Variants in SNRPG observed in about 807,000 individuals in gnomAD.
SNRPG encodes the protein small nuclear ribonucleoprotein polypeptide G.
In SNRPG, 3 loss-of-function variants were observed where a neutral mutation model predicts 13.9. The observed-to-expected ratio is 0.22, with a 90% confidence interval of 0.10 to 0.56. SNRPG has a LOEUF of 0.56. Among genes scored for constraint, SNRPG ranks in the 20% least tolerant of loss-of-function variants. The pLI, the probability that SNRPG is intolerant of heterozygous loss-of-function variation, is 0.93. For synonymous variants in SNRPG, 29 were observed against 29.3 expected (o/e 0.99, Z 0.03); for missense variants, 34 against 96.1 (o/e 0.35, Z 2.70).
intron 3 of SNRPG, among the ~76,000 whole-genome samples, chr2:70,283,128 CA>C (rs1191103409): frequency 3.1e-5 from 2 of 64,966 alleles, no homozygotes; most frequent in South Asian, 5.3e-4. Context: ...AAAAAAACAA[CA>C]AACCAAAACC....
chr2:70,283,117 AAAAAAAAC>A lies in SNRPG; in HGVS notation c.181-1441_181-1434del, dbSNP rs1559041592. ...TTGTCAAAAAAAAAAAAAAAAAAAAAAAAAAAACAACAAACCAAAACCAAAACAAACCA... is the reference window on the plus strand; with the variant it reads ...TTGTCAAAAAAAAAAAAAAAAAAAAAAACAAACCAAAACCAAAACAAACCA... On this transcript the variant is annotated intron_variant, in intron 3 of 3. Transcript: ENST00000272348. Among the ~76,000 whole-genome samples the A allele has an allele frequency of 4.7e-5, 7 of 148,458 alleles. 1 individual carries two copies. The highest frequency in any genetic ancestry group is 1.8e-4 in the African/African-American group (7 of 39,746).
chr2:70,291,735 G>T (rs114076468), intron 1 of SNRPG, among the ~76,000 whole-genome samples: 3,424 of 151,908 alleles, frequency 0.023, 142 homozygotes, highest in African/African-American at 0.078. Context: ...GAAGAGAAAG[G>T]TATTAAAACT....
chr2:70,289,223 G>T, intron 2 of SNRPG, 127 bp downstream of exon 2: 1 of 566,734 alleles, frequency 1.8e-6, no homozygotes, highest in East Asian at 3.3e-5. Context: ...AAAGTGCTGG[G>T]ATTACAGCCG....
At chr2:70,287,599 G>A (rs989112130) in intron 3 of SNRPG, among the ~76,000 whole-genome samples, 1 of 152,164 alleles carries the variant, frequency 6.6e-6, no homozygotes, top group African/African-American at 2.4e-5. Flanking sequence ...AGAAAATCCA[G>A]GTTAACTATG....
At position 70,281,559 on chromosome 2, in the gene SNRPG, G is replaced by C; in HGVS notation, c.*75C>G. ...AAAAGTCTAATATGAAAATGTACAT[G>C]ACCTAATTTTTACATCATAGTAAAA... On this transcript the variant is annotated 3_prime_UTR_variant, in exon 4 of 4. Transcript: ENST00000272348. The C allele has an allele frequency of 1.3e-6, 1 of 762,472 alleles. No individual in the cohort carries two copies. Among genetic ancestry groups the C allele is most frequent in the South Asian group, 2.0e-5 (1 of 50,918 alleles). The allele number at this position is 762,472 out of a possible 1,614,324, so 47.2% of individuals were successfully genotyped here.
intron 1 of SNRPG, chr2:70,291,381 A>C (rs1042212418): frequency 6.6e-6 from 1 of 152,226 alleles, no homozygotes; most frequent in African/African-American, 2.4e-5. Flanking sequence ...CACTGGCAAG[A>C]CTACCGTGGC....
intron 2 of SNRPG, among the ~76,000 whole-genome samples, chr2:70,288,702 T>C (rs886967007): frequency 4.6e-5 from 7 of 152,212 alleles, no homozygotes; most frequent in Admixed American, 1.3e-4. Flanking sequence ...TTTAGATAAA[T>C]TGAACAAATG....
intron 1 of SNRPG, among the ~76,000 whole-genome samples, chr2:70,291,688 G>A (rs1217128011): frequency 6.6e-6 from 1 of 152,146 alleles, no homozygotes; most frequent in East Asian, 1.9e-4. Flanking sequence ...TTTGGCGGCA[G>A]ATCTGACCGG....
chr2:70,290,584 C>T (rs1697058431), intron 1 of SNRPG, among the ~76,000 whole-genome samples: 3 of 151,676 alleles, frequency 2.0e-5, no homozygotes, highest in South Asian at 4.2e-4. Context: ...ATATGGGCCA[C>T]GAAGTGGGGC....
chr2:70,291,893 A>G (rs919122106), intron 1 of SNRPG, among the ~76,000 whole-genome samples: 4 of 151,772 alleles, frequency 2.6e-5, no homozygotes, highest in African/African-American at 9.7e-5. Context: ...TACATCACCA[A>G]AAATAACTTT....
intron 1 of SNRPG, among the ~76,000 whole-genome samples, chr2:70,291,859 T>A (rs991506835): frequency 6.6e-6 from 1 of 151,142 alleles, no homozygotes; most frequent in Non-Finnish European, 1.5e-5. Flanking sequence ...ATTTCACCAG[T>A]CCCTGATGAA....
chr2:70,283,974 A>G (rs938677204), intron 3 of SNRPG, among the ~76,000 whole-genome samples: 2 of 152,158 alleles, frequency 1.3e-5, no homozygotes, highest in Non-Finnish European at 2.9e-5. Flanking sequence ...GGAAGGATCA[A>G]CTGAGCCCAG....
chr2:70,287,404 G>T, intron 3 of SNRPG: 1 of 693,276 alleles, frequency 1.4e-6, no homozygotes, highest in Non-Finnish European at 2.6e-6. Flanking sequence ...CAAAGTCTGG[G>T]TATCAAAACT....
chr2:70,285,188 T>C (rs192651842), intron 3 of SNRPG, among the ~76,000 whole-genome samples: 5 of 152,190 alleles, frequency 3.3e-5, no homozygotes, highest in African/African-American at 1.2e-4. Flanking sequence ...TACAAGTTCT[T>C]GACTTAATAA....
chr2:70,283,125 C>CAAACAAAAAAAAAAAAAA (rs1176330727), intron 3 of SNRPG, among the ~76,000 whole-genome samples: 3 of 53,202 alleles, frequency 5.6e-5, no homozygotes, highest in African/African-American at 1.9e-4. Flanking sequence ...AAAAAAAAAA[C>CAAACAAAAAAAAAAAAAA]AACAAACCAA....
chr2:70,292,568 C>CG (rs1280582920), intron 1 of SNRPG: 2 of 154,950 alleles, frequency 1.3e-5, no homozygotes, highest in Non-Finnish European at 2.9e-5. Context: ...AGGCTGGTCT[C>CG]GAACTCCTGA....
intron 1 of SNRPG, among the ~76,000 whole-genome samples, chr2:70,291,949 T>TA (rs1263109721): frequency 2.1e-5 from 1 of 47,582 alleles, no homozygotes; most frequent in Non-Finnish European, 9.8e-5. Context: ...GTAACTTCTA[T>TA]TTTTTTTTTT....
chr2:70,284,176 G>T (rs866209676), intron 3 of SNRPG, among the ~76,000 whole-genome samples: 12 of 152,014 alleles, frequency 7.9e-5, no homozygotes, highest in African/African-American at 2.9e-4. Flanking sequence ...ATTTTTTTGA[G>T]ACTGGGACTA....
At chr2:70,283,125 C>CAAAAAAAAAAAAAA (rs1176330727) in intron 3 of SNRPG, among the ~76,000 whole-genome samples, 37 of 53,222 alleles carry the variant, frequency 7.0e-4, no homozygotes, top group African/African-American at 2.4e-3. Flanking sequence ...AAAAAAAAAA[C>CAAAAAAAAAAAAAA]AACAAACCAA....
Sources: allele counts gnomAD v4.1 joint callset (sites outside exome capture counted in the v4.1 genomes callset), GRCh38; gene constraint gnomAD v4.1.1; transcripts MANE v1.5; gene names NCBI Gene and HGNC (gene_info 2026-07-23, HGNC 2026-07-21).